KIF1B: variants seen among roughly 807,000 people sequenced by gnomAD.
KIF1B encodes kinesin-like protein KIF1B.
In KIF1B, 76 loss-of-function variants were observed where a neutral mutation model predicts 241.9. That is an observed-to-expected ratio of 0.31 (90% CI 0.26 to 0.38). The LOEUF is 0.38. Among genes scored for constraint, KIF1B ranks in the 10% least tolerant of loss-of-function variants. The probability of loss-of-function intolerance (pLI) is 1.00; values close to 1 mark genes in which losing one functional copy is unlikely to be tolerated. For missense variants in KIF1B, 1,622 were observed against 2,271.4 expected (o/e 0.71, Z 5.81); for synonymous variants, 750 against 796.7 (o/e 0.94, Z 0.99).
rs745772393 is a variant in KIF1B at position 10,306,757 on chromosome 1, TAAAAAAAAAA to T, written c.2115+9529_2115+9538del. On this transcript the variant is annotated intron_variant, in intron 22 of 48. Transcript: ENST00000676179. Reference sequence around the variant, plus strand: ...GGACAACAGAGTGAGAACCTGTCTTTAAAAAAAAAAAAAAAAAAAAAAAAAAAGGTAATAT... The same window carrying T: ...GGACAACAGAGTGAGAACCTGTCTTTAAAAAAAAAAAAAAAAAGGTAATAT... 1,927 of 566,656 alleles carry T rather than the reference TAAAAAAAAAA, an allele frequency of 3.4e-3. 3 individuals carry two copies. Among genetic ancestry groups the T allele is most frequent in the Non-Finnish European group, 3.7e-3 (1,815 of 488,356 alleles). The allele number at this position is 566,656 out of a possible 1,614,324, so 35.1% of individuals were successfully genotyped here.
chr1:10,315,376 A>G (rs561898267), intron 22 of KIF1B, among the ~76,000 whole-genome samples: 27 of 150,870 alleles, frequency 1.8e-4, no homozygotes, highest in African/African-American at 6.4e-4. Context: ...GGGTTTCACC[A>G]TGTTGGCCAG....
At chr1:10,251,055 A>T (rs1164100242) in intron 2 of KIF1B, among the ~76,000 whole-genome samples, 1 of 152,070 alleles carries the variant, frequency 6.6e-6, no homozygotes, top group Non-Finnish European at 1.5e-5. Flanking sequence ...AATCCTAGCT[A>T]CTGGGGAGGC....
intron 22 of KIF1B, among the ~76,000 whole-genome samples, chr1:10,300,189 A>G (rs1027974810): frequency 1.3e-5 from 2 of 151,216 alleles, no homozygotes; most frequent in African/African-American, 2.4e-5. Context: ...GTGAGCCAAG[A>G]TCGCGCAACT....
intron 28 of KIF1B, among the ~76,000 whole-genome samples, 165 bp from the exon 29 acceptor site, chr1:10,336,492 T>A (rs537222866): frequency 6.6e-6 from 1 of 152,322 alleles, no homozygotes; most frequent in Admixed American, 6.5e-5. Flanking sequence ...CTGAGGAAGT[T>A]GATAAATCTA....
At chr1:10,229,888 A>T (rs956097521) in intron 1 of KIF1B, among the ~76,000 whole-genome samples, 4 of 149,480 alleles carry the variant, frequency 2.7e-5, no homozygotes, top group African/African-American at 9.9e-5. Flanking sequence ...AAAAAAAAAA[A>T]AAAAAAAGAA....
At chr1:10,341,227 T>G (rs1652379498) in intron 32 of KIF1B, among the ~76,000 whole-genome samples, 1 of 152,332 alleles carries the variant, frequency 6.6e-6, no homozygotes, top group East Asian at 1.9e-4. Flanking sequence ...AAAGGGAAAG[T>G]TATTTCTATT....
At chr1:10,368,990 G>C (rs1235790120) in intron 44 of KIF1B, among the ~76,000 whole-genome samples, 1 of 152,130 alleles carries the variant, frequency 6.6e-6, no homozygotes, top group African/African-American at 2.4e-5. Context: ...GCTCATTCCT[G>C]CCTTGGGGTC....
At chr1:10,267,230 A>G (rs980568801) in intron 5 of KIF1B, 150 bp from the exon 6 acceptor site, 8 of 652,754 alleles carry the variant, frequency 1.2e-5, no homozygotes, top group Admixed American at 4.4e-5. Flanking sequence ...TGTTGGCCAG[A>G]CTGGTCTCGA....
chr1:10,267,320 G>T (rs1004086161), intron 5 of KIF1B, 60 bp from the exon 6 acceptor site: 2 of 1,502,840 alleles, frequency 1.3e-6, no homozygotes, highest in Non-Finnish European at 9.2e-7. Flanking sequence ...GAGCCACCGC[G>T]CCCGGCTTCT....
intron 45 of KIF1B, among the ~76,000 whole-genome samples, chr1:10,372,683 G>T (rs1197484782): frequency 1.0e-4 from 13 of 127,714 alleles, no homozygotes; most frequent in Admixed American, 8.3e-4. Flanking sequence ...AAGCTGGCGC[G>T]CAGCGGCGCA....
In KIF1B at chr1:10,303,492, G is replaced by T. The variant is rs767055599; in HGVS notation, c.2115+6246G>T. 1 of 1,614,184 alleles carries T rather than the reference G, an allele frequency of 6.2e-7. No homozygotes were observed. Among genetic ancestry groups the T allele is most frequent in the East Asian group, 2.2e-5 (1 of 44,882 alleles). The stretch of plus-strand genomic sequence containing the variant: ...CCCTGGCCATTGTCAAGATGAAGGA[G>T]CTTTGTGCCATGTATGGCAAGAAAG... On this transcript the variant is annotated intron_variant, in intron 22 of 48. Transcript: ENST00000676179. The surrounding 1 kb of genome is among the most constrained non-coding windows in gnomAD (Gnocchi z 5.2).
chr1:10,223,156 G>A (rs1646866760), intron 1 of KIF1B, among the ~76,000 whole-genome samples: 1 of 152,152 alleles, frequency 6.6e-6, no homozygotes, highest in South Asian at 2.1e-4. Flanking sequence ...GGAGGCTGAG[G>A]CAGGAGAATC....
At chr1:10,294,852 T>G (rs1030638602) in intron 17 of KIF1B, among the ~76,000 whole-genome samples, 2 of 152,122 alleles carry the variant, frequency 1.3e-5, no homozygotes, top group African/African-American at 4.8e-5. Context: ...AGAGCGAGAC[T>G]CTGTCTCAAA....
intron 22 of KIF1B, among the ~76,000 whole-genome samples, chr1:10,317,334 G>T (rs1327746404): frequency 6.6e-6 from 1 of 151,312 alleles, no homozygotes; most frequent in African/African-American, 2.5e-5. Context: ...GGGATCCTGT[G>T]TCCTTTTGAA....
At chr1:10,345,774 A>G (rs1652565542) in intron 34 of KIF1B, 71 bp from the exon 35 acceptor site, 3 of 1,105,082 alleles carry the variant, frequency 2.7e-6, no homozygotes, top group Non-Finnish European at 4.1e-6. Context: ...AAAGACTGAC[A>G]TTAGAGAAGC....
In KIF1B at chr1:10,232,358, C is replaced by T. The variant is rs781453488; in HGVS notation, c.30C>T (p.Val10=). MSGASVKVA[V]RVRPFNSRET... ...CGGGAGCCTCAGTGAAGGTGGCTGT[C>T]CGGGTAAGGCCCTTCAATTCTCGAG... The change falls in exon 2 of 49, where the codon GTC becomes GTT. Residue 10 remains valine, a synonymous_variant. Coordinates refer to ENST00000676179, the MANE Select transcript of KIF1B (RefSeq NM_001365951.3). 6.2e-7 allele frequency: 1 copy of T among 1,614,000 alleles called. No individual in the cohort carries two copies. The highest frequency in any genetic ancestry group is 8.5e-7 in the Non-Finnish European group (1 of 1,179,928).
chr1:10,305,843 G>A, intron 22 of KIF1B: 1 of 1,052,358 alleles, frequency 9.5e-7, no homozygotes, highest in Non-Finnish European at 1.1e-6. Flanking sequence ...CATCTCTTGA[G>A]TTTGTCAAAA....
chr1:10,287,584 G>A (rs1029935619), intron 15 of KIF1B, among the ~76,000 whole-genome samples: 12 of 152,096 alleles, frequency 7.9e-5, no homozygotes, highest in African/African-American at 1.7e-4. Context: ...CCTAAAAATT[G>A]CAGCTGAAAA....
chr1:10,253,885 C>T (rs1647609271), intron 2 of KIF1B, among the ~76,000 whole-genome samples: 1 of 152,192 alleles, frequency 6.6e-6, no homozygotes, highest in Non-Finnish European at 1.5e-5. Context: ...AACATAAATG[C>T]GTGGCTGTAC....
Sources: allele counts gnomAD v4.1 joint callset (sites outside exome capture counted in the v4.1 genomes callset), GRCh38; gene constraint gnomAD v4.1.1; non-coding constraint Gnocchi (gnomAD v3.1); transcripts MANE v1.5; gene names NCBI Gene and HGNC (gene_info 2026-07-23, HGNC 2026-07-21).